The following STON2 variants were observed in gnomAD, a reference collection of about 807,000 sequenced individuals.
STON2 encodes the protein stonin-2.
In STON2, 29 loss-of-function variants were observed where a neutral mutation model predicts 65.7. The ratio of observed to expected loss-of-function variants is 0.44; its 90% CI spans 0.33 to 0.60. STON2 has a LOEUF of 0.60. Ranked by LOEUF, STON2 falls within the 20% of genes least tolerant of loss-of-function variation. The pLI, the probability that STON2 is intolerant of heterozygous loss-of-function variation, is 0.03. For missense variants in STON2, 1,054 were observed against 1,118.1 expected (o/e 0.94, Z 0.82); for synonymous variants, 404 against 414.2 (o/e 0.98, Z 0.30).
rs554804158 is a variant in STON2, at chr14:81,267,373, G to A, written c.*1041C>T. On this transcript the variant is annotated 3_prime_UTR_variant, in exon 8 of 8. Transcript: ENST00000614646. ...GATTATCAAACTCTGAATTTTGGGGGAAAGCTCATTCAAGCTTAATTTTAA... is the reference window on the plus strand; with the variant it reads ...GATTATCAAACTCTGAATTTTGGGGAAAAGCTCATTCAAGCTTAATTTTAA... The A allele has an allele frequency of 1.0e-6, 1 of 985,352 alleles. No homozygotes were observed. The highest frequency in any genetic ancestry group is 1.7e-5 in the African/African-American group (1 of 57,308). 61.0% of individuals were successfully genotyped at this position (985,352 alleles called of 1,614,324 possible). A position where few individuals can be genotyped will look rare whatever the true frequency, so the allele number is the denominator to read the frequency against.
intron 2 of STON2, among the ~76,000 whole-genome samples, chr14:81,405,767 T>C (rs1294752508): frequency 1.3e-5 from 2 of 152,146 alleles, no homozygotes; most frequent in African/African-American, 4.8e-5. Flanking sequence ...TGACAGGGTA[T>C]GATGGTTAAT....
chr14:81,263,265 G>A lies in STON2; in HGVS notation c.*5149C>T, dbSNP rs1441000763. 3 of 679,562 alleles carry A rather than the reference G, an allele frequency of 4.4e-6. No individual in the cohort carries two copies. The highest frequency in any genetic ancestry group is 3.9e-5 in the African/African-American group (2 of 51,068). 42.1% of individuals were successfully genotyped at this position (679,562 alleles called of 1,614,324 possible). ...AAACATTATGCTATTTTGGCCAGGC[G>A]CGGCGGCTCATGCCTGTTATCCTAG... is the stretch of plus-strand genomic sequence containing the variant. On this transcript the variant is annotated 3_prime_UTR_variant, in exon 8 of 8. Coordinates refer to ENST00000614646, the MANE Select transcript of STON2 (RefSeq NM_001394390.1).
chr14:81,357,896 G>A (rs1458579529), intron 4 of STON2, among the ~76,000 whole-genome samples: 1 of 115,602 alleles, frequency 8.7e-6, no homozygotes. Context: ...TGTGGGGTGG[G>A]GGGAGGGGGG....
chr14:81,354,959 G>A (rs1257783333), intron 4 of STON2, among the ~76,000 whole-genome samples: 1 of 151,826 alleles, frequency 6.6e-6, no homozygotes, highest in East Asian at 1.9e-4. Flanking sequence ...GGCGGAAGTT[G>A]CAGTGAGCAG....
intron 4 of STON2, among the ~76,000 whole-genome samples, chr14:81,346,533 A>C (rs1356703605): frequency 6.6e-6 from 1 of 152,192 alleles, no homozygotes; most frequent in Non-Finnish European, 1.5e-5. Context: ...TTTGTTGTTA[A>C]GAAAAAAAAG....
chr14:81,336,926 G>C (rs1193054349), intron 4 of STON2, among the ~76,000 whole-genome samples: 1 of 152,162 alleles, frequency 6.6e-6, no homozygotes, highest in Non-Finnish European at 1.5e-5. Flanking sequence ...AGAGAAGAAG[G>C]TGGGAGCTAC....
intron 4 of STON2, among the ~76,000 whole-genome samples, chr14:81,339,501 AC>A (rs2140287801): frequency 6.6e-6 from 1 of 152,304 alleles, no homozygotes; most frequent in Non-Finnish European, 1.5e-5. Flanking sequence ...TGTTTCTTTC[AC>A]ATTCCCAAGG....
intron 4 of STON2, among the ~76,000 whole-genome samples, chr14:81,369,526 A>G (rs2140361090): frequency 6.6e-6 from 1 of 152,336 alleles, no homozygotes; most frequent in Non-Finnish European, 1.5e-5. Flanking sequence ...AGCAACAAGA[A>G]CCTTGCAGCA....
chr14:81,436,391 G>T (rs1902429119), exon 1 of STON2: 1 of 151,728 alleles, frequency 6.6e-6, no homozygotes, highest in Admixed American at 6.6e-5. Context: ...TTCTCTGGCC[G>T]CGGGATACCC....
rs1894982050 is a variant in STON2 at position 81,278,686 on chromosome 14, A to G, written c.796T>C (p.Trp266Arg). ...DEEVEMEAIS[W>R]QASSPAMNGH... ...TTCATGGCTGGACTGCTGGCCTGCC[A>G]GCTGATGGCCTCCATCTCTACTTCT... The change falls in exon 6 of 8, where the codon TGG becomes CGG. Residue 266 changes from tryptophan to arginine, a missense_variant. By Grantham distance (101) the Trp-to-Arg change is moderately radical (BLOSUM62 -3). Coordinates refer to ENST00000614646, the MANE Select transcript of STON2 (RefSeq NM_001394390.1). 1 of 1,525,332 alleles carries G rather than the reference A, an allele frequency of 6.6e-7. No individual in the cohort carries two copies. Among genetic ancestry groups the G allele is most frequent in the Non-Finnish European group, 8.8e-7 (1 of 1,139,116 alleles). The allele number at this position is 1,525,332 out of a possible 1,614,324, so 94.5% of individuals were successfully genotyped here.
At chr14:81,403,429 G>GA (rs1430284138), upstream of STON2, among the ~76,000 whole-genome samples, 3 of 151,736 alleles carry the variant, frequency 2.0e-5, no homozygotes, top group South Asian at 2.1e-4. Context: ...TCTTTTTCGA[G>GA]AAAAAAAATA....
At chr14:81,421,858 G>A (rs1901720665) in intron 2 of STON2, among the ~76,000 whole-genome samples, 1 of 152,178 alleles carries the variant, frequency 6.6e-6, no homozygotes, top group African/African-American at 2.4e-5. Context: ...CAGAAGAAGA[G>A]AGATGAGTGC....
chr14:81,326,768 T>C (rs980801225), intron 4 of STON2, among the ~76,000 whole-genome samples: 4 of 152,224 alleles, frequency 2.6e-5, no homozygotes, highest in Non-Finnish European at 5.9e-5. Context: ...CTCAATATGT[T>C]TTTCTGTATA....
chr14:81,288,688 T>C (rs975995857), intron 5 of STON2, among the ~76,000 whole-genome samples: 1 of 152,150 alleles, frequency 6.6e-6, no homozygotes, highest in Non-Finnish European at 1.5e-5. Flanking sequence ...CTCTGCTCAA[T>C]GGACCATCAA....
chr14:81,307,287 A>G (rs892118624), intron 5 of STON2, among the ~76,000 whole-genome samples: 4 of 152,250 alleles, frequency 2.6e-5, no homozygotes, highest in African/African-American at 9.6e-5. Flanking sequence ...AGCATTTCAG[A>G]ACGGTCAGTG....
intron 3 of STON2, chr14:81,395,480 G>A (rs1900270265): frequency 6.4e-6 from 1 of 156,756 alleles, no homozygotes. Context: ...GACCTCAAGT[G>A]AGCCACCCTT....
intron 5 of STON2, among the ~76,000 whole-genome samples, chr14:81,321,759 T>C (rs1259539082): frequency 6.6e-6 from 1 of 151,542 alleles, no homozygotes; most frequent in Non-Finnish European, 1.5e-5. Flanking sequence ...TGAATGGGAG[T>C]GTATAAAAGA....
intron 2 of STON2, among the ~76,000 whole-genome samples, chr14:81,407,860 G>A (rs567180958): frequency 7.4e-4 from 113 of 152,280 alleles, no homozygotes; most frequent in African/African-American, 1.6e-3. Flanking sequence ...ATAGCACAGC[G>A]ACACAAGATA....
rs1894369818 is a variant in STON2, at chr14:81,266,700, G to A, written c.*1714C>T. On this transcript the variant is annotated 3_prime_UTR_variant, in exon 8 of 8. Coordinates refer to ENST00000614646, the MANE Select transcript of STON2 (RefSeq NM_001394390.1). Reference sequence around the variant, plus strand: ...GCTGACTACATTAGCTTTGTGAATAGCCATGATATATTTCTGATTCAACAT... The same window carrying A: ...GCTGACTACATTAGCTTTGTGAATAACCATGATATATTTCTGATTCAACAT... 1 of 985,186 alleles carries A rather than the reference G, an allele frequency of 1.0e-6. No individual in the cohort carries two copies. Among genetic ancestry groups the A allele is most frequent in the Non-Finnish European group, 1.2e-6 (1 of 829,786 alleles). The allele number at this position is 985,186 out of a possible 1,614,324, so 61.0% of individuals were successfully genotyped here.
Sources: gnomAD v4.1 joint callset for allele counts (sites outside exome capture counted in the v4.1 genomes callset) on GRCh38, gnomAD v4.1.1 for gene constraint, MANE v1.5 for transcripts, NCBI Gene and HGNC (gene_info 2026-07-23, HGNC 2026-07-21) for gene names.